CDYL2: variants seen among roughly 807,000 people sequenced by gnomAD.
CDYL2 encodes chromodomain Y like 2.
In CDYL2, 23 loss-of-function variants were observed where a neutral mutation model predicts 49.4. The ratio of observed to expected loss-of-function variants is 0.47; its 90% CI spans 0.34 to 0.66. The LOEUF is 0.66. CDYL2 is among the 30% of genes least tolerant of loss of function. The pLI is 0.01. For synonymous variants in CDYL2, 360 were observed against 268.8 expected (o/e 1.34, Z -3.32); for missense variants, 678 against 656.4 (o/e 1.03, Z -0.36).
chr16:80,645,598 C>G (rs1357372177), intron 2 of CDYL2, among the ~76,000 whole-genome samples: 1 of 152,078 alleles, frequency 6.6e-6, no homozygotes, highest in African/African-American at 2.4e-5. Context: ...GGATCCAGAA[C>G]TAAAAATACC....
intron 2 of CDYL2, among the ~76,000 whole-genome samples, chr16:80,677,296 C>T (rs1003227034): frequency 2.0e-5 from 3 of 152,224 alleles, no homozygotes; most frequent in African/African-American, 7.2e-5. Context: ...TTATTTCTCT[C>T]TTCAGGCTTT....
At chr16:80,731,158 G>A (rs1905313000) in intron 1 of CDYL2, among the ~76,000 whole-genome samples, 1 of 151,992 alleles carries the variant, frequency 6.6e-6, no homozygotes, top group Non-Finnish European at 1.5e-5. Flanking sequence ...CCAGAGACAA[G>A]AGAAAACAAT....
chr16:80,685,564 G>T (rs925217757), intron 1 of CDYL2, among the ~76,000 whole-genome samples: 1 of 152,102 alleles, frequency 6.6e-6, no homozygotes, highest in Non-Finnish European at 1.5e-5. Context: ...AATTATATGG[G>T]AGGTACTATG....
chr16:80,750,199 C>A (rs1319695204), intron 1 of CDYL2, among the ~76,000 whole-genome samples: 1 of 151,812 alleles, frequency 6.6e-6, no homozygotes, highest in Non-Finnish European at 1.5e-5. Context: ...CAAACCTGCA[C>A]ATGTACCCTA....
At chr16:80,716,435 T>A (rs1904802059) in intron 1 of CDYL2, among the ~76,000 whole-genome samples, 1 of 151,846 alleles carries the variant, frequency 6.6e-6, no homozygotes, top group African/African-American at 2.4e-5. Flanking sequence ...GATGGGTAGG[T>A]CGATGGATGG....
At chr16:80,618,645 T>G (rs954921239) in intron 4 of CDYL2, among the ~76,000 whole-genome samples, 1 of 152,170 alleles carries the variant, frequency 6.6e-6, no homozygotes, top group Admixed American at 6.5e-5. Flanking sequence ...TATTCCTGCA[T>G]GCAAGAAGGA....
intron 1 of CDYL2, among the ~76,000 whole-genome samples, chr16:80,724,239 G>C (rs923602817): frequency 3.3e-5 from 5 of 149,402 alleles, no homozygotes; most frequent in Non-Finnish European, 7.4e-5. Context: ...GGGGGAGAAA[G>C]AGGAAGAAGA....
intron 1 of CDYL2, among the ~76,000 whole-genome samples, chr16:80,697,436 C>G (rs557549620): frequency 2.0e-5 from 3 of 152,082 alleles, no homozygotes; most frequent in Non-Finnish European, 4.4e-5. Context: ...ATTATAAAGG[C>G]CATATCTGAC....
At chr16:80,691,064 A>G (rs1910395782) in intron 1 of CDYL2, among the ~76,000 whole-genome samples, 1 of 152,202 alleles carries the variant, frequency 6.6e-6, no homozygotes, top group Admixed American at 6.5e-5. Flanking sequence ...GGCCAAAAAA[A>G]AAAGAACAGA....
intron 2 of CDYL2, among the ~76,000 whole-genome samples, chr16:80,656,338 C>T (rs551538795): frequency 6.6e-6 from 1 of 152,236 alleles, no homozygotes; most frequent in South Asian, 2.1e-4. Context: ...GCATTCCAGG[C>T]ACAGAGGGGA....
Position 80,601,563 on chromosome 16 carries a change from GCT to G in CDYL2, c.*2823_*2824del, listed in dbSNP as rs1326610072. On this transcript the variant is annotated 3_prime_UTR_variant, in exon 7 of 7. Transcript: ENST00000570137. The stretch of plus-strand genomic sequence containing the variant: ...TGGAAGATCAAAAATGAAAGTCTGA[GCT>G]CTGTCTCAGGAAAGCTATTAGGATA... 1.3e-5 allele frequency: 2 copies of G among 152,176 alleles called. No homozygotes were observed. Among genetic ancestry groups the G allele is most frequent in the Non-Finnish European group, 2.9e-5 (2 of 68,052 alleles). The allele number at this position is 152,176 out of a possible 1,614,324, so 9.4% of individuals were successfully genotyped here.
intron 1 of CDYL2, among the ~76,000 whole-genome samples, chr16:80,688,110 T>C (rs546357394): frequency 6.6e-5 from 10 of 152,308 alleles, no homozygotes; most frequent in East Asian, 1.9e-4. Context: ...TGGGGCCACA[T>C]TGGAGGCGGA....
intron 1 of CDYL2, among the ~76,000 whole-genome samples, chr16:80,739,899 A>C (rs2142550224): frequency 6.6e-6 from 1 of 152,276 alleles, no homozygotes; most frequent in East Asian, 1.9e-4. Context: ...CTATACCAAC[A>C]AAGCAGCCCA....
Position 80,697,764 on chromosome 16 carries a change from G to C in CDYL2, c.25-12635C>G, listed in dbSNP as rs11150306. 3.6e-4 allele frequency among the ~76,000 whole-genome samples: 55 copies of C among 151,708 alleles called. No individual in the cohort carries two copies. In the South Asian group the frequency reaches 9.6e-3, roughly 26 times the overall value. On this transcript the variant is annotated intron_variant, in intron 1 of 6. Coordinates refer to ENST00000570137, the MANE Select transcript of CDYL2 (RefSeq NM_152342.4). The stretch of plus-strand genomic sequence containing the variant: ...AAAAAAGTCACATTTCTATACAATC[G>C]TAACAAACTAGCTGAAAAAGAAATC...
chr16:80,721,013 GA>G (rs1276113349), intron 1 of CDYL2, among the ~76,000 whole-genome samples: 1 of 152,050 alleles, frequency 6.6e-6, no homozygotes, highest in Non-Finnish European at 1.5e-5. Context: ...GCTCATCCTG[GA>G]GAGACCCTAA....
intron 4 of CDYL2, among the ~76,000 whole-genome samples, chr16:80,614,797 G>C (rs1006805025): frequency 6.6e-6 from 1 of 150,952 alleles, no homozygotes; most frequent in African/African-American, 2.4e-5. Flanking sequence ...CCAGGAGGTG[G>C]AGGTTGTAGT....
intron 2 of CDYL2, among the ~76,000 whole-genome samples, chr16:80,684,033 T>C (rs1910074240): frequency 6.6e-6 from 1 of 152,228 alleles, no homozygotes; most frequent in Non-Finnish European, 1.5e-5. Flanking sequence ...GCACAGGCAC[T>C]GGCGTGGTGA....
At chr16:80,756,292 A>G (rs1485414544) in intron 1 of CDYL2, among the ~76,000 whole-genome samples, 1 of 152,168 alleles carries the variant, frequency 6.6e-6, no homozygotes, top group Non-Finnish European at 1.5e-5. Flanking sequence ...TACCCAAAAC[A>G]AATTCTACCA....
intron 1 of CDYL2, among the ~76,000 whole-genome samples, chr16:80,762,733 G>C (rs930824889): frequency 2.0e-5 from 3 of 152,118 alleles, no homozygotes; most frequent in Admixed American, 6.5e-5. Flanking sequence ...GTCATCAATT[G>C]CAAGTGTCCA....
Sources: gnomAD v4.1 joint callset for allele counts (sites outside exome capture counted in the v4.1 genomes callset) on GRCh38, gnomAD v4.1.1 for gene constraint, MANE v1.5 for transcripts, NCBI Gene and HGNC (gene_info 2026-07-23, HGNC 2026-07-21) for gene names.